ANKH: variants seen among roughly 807,000 people sequenced by gnomAD.
ANKH encodes the protein mineralization regulator ANKH.
A neutral mutation model predicts 49.0 loss-of-function variants in ANKH; 15 were observed. That is an observed-to-expected ratio of 0.31 (90% confidence interval 0.20 to 0.47). The LOEUF is 0.47. Ranked by LOEUF, ANKH falls within the 20% of genes least tolerant of loss-of-function variation. The pLI is 1.00. For missense variants in ANKH, 429 were observed against 652.0 expected (o/e 0.66, Z 3.72); for synonymous variants, 273 against 260.0 (o/e 1.05, Z -0.48).
At chr5:14,798,763 A>G (rs1008536060) in intron 1 of ANKH, among the ~76,000 whole-genome samples, 6 of 152,158 alleles carry the variant, frequency 3.9e-5, no homozygotes, top group Non-Finnish European at 7.4e-5. Context: ...GTGTGTCCTG[A>G]CTGCTCTATC....
intron 1 of ANKH, among the ~76,000 whole-genome samples, chr5:14,812,156 A>G (rs1407353266): frequency 2.6e-5 from 4 of 151,262 alleles, no homozygotes; most frequent in Non-Finnish European, 5.9e-5. Context: ...AAGGATCCTA[A>G]TAAGTTTGAA....
intron 1 of ANKH, among the ~76,000 whole-genome samples, chr5:14,790,544 T>G (rs1740128766): frequency 1.3e-5 from 2 of 152,260 alleles, no homozygotes; most frequent in Non-Finnish European, 1.5e-5. Flanking sequence ...ACTTATTCAC[T>G]GGTTCTTTTC....
chr5:14,803,040 G>A (rs1052643098), intron 1 of ANKH, among the ~76,000 whole-genome samples: 20 of 152,268 alleles, frequency 1.3e-4, no homozygotes, highest in African/African-American at 4.6e-4. Flanking sequence ...CTTCCATACC[G>A]TGAATTGCTA....
At chr5:14,757,685 GATCCTGAGTAT>G (rs1004424324) in intron 3 of ANKH, among the ~76,000 whole-genome samples, 2 of 152,002 alleles carry the variant, frequency 1.3e-5, no homozygotes, top group African/African-American at 4.8e-5. Flanking sequence ...CTGATCCTTT[GATCCTGAGTAT>G]ATCAGAAAAG....
chr5:14,730,997 C>T (rs1259751871), intron 8 of ANKH, among the ~76,000 whole-genome samples: 4 of 152,178 alleles, frequency 2.6e-5, no homozygotes, highest in African/African-American at 4.8e-5. Context: ...CCAAGAAGCC[C>T]GACGGGGCCC....
At chr5:14,767,982 A>G (rs958072066) in intron 2 of ANKH, among the ~76,000 whole-genome samples, 1 of 152,230 alleles carries the variant, frequency 6.6e-6, no homozygotes, top group Admixed American at 6.5e-5. Context: ...ATCAATATCA[A>G]CGCTTTGGCT....
intron 1 of ANKH, among the ~76,000 whole-genome samples, chr5:14,816,209 A>G (rs1426805148): frequency 6.6e-6 from 1 of 152,234 alleles, no homozygotes; most frequent in Admixed American, 6.5e-5. Context: ...AGGGCAGAGG[A>G]CAGAAGTCAT....
intron 6 of ANKH, 69 bp from the exon 7 acceptor site, chr5:14,746,031 G>T: frequency 7.8e-7 from 1 of 1,286,964 alleles, no homozygotes; most frequent in Non-Finnish European, 1.1e-6. Flanking sequence ...TACAGTAGGT[G>T]ACGAAGCACG....
At chr5:14,778,667 C>A (rs1007362080) in intron 1 of ANKH, among the ~76,000 whole-genome samples, 1 of 152,282 alleles carries the variant, frequency 6.6e-6, no homozygotes, top group Middle Eastern at 3.4e-3. Flanking sequence ...TCCCTCTCAT[C>A]GCTCCTCCTG....
intron 4 of ANKH, among the ~76,000 whole-genome samples, chr5:14,751,550 T>C (rs1738719490): frequency 6.6e-6 from 1 of 152,228 alleles, no homozygotes; most frequent in African/African-American, 2.4e-5. Context: ...TGCAATATGT[T>C]TTCAGGAATC....
intron 2 of ANKH, among the ~76,000 whole-genome samples, chr5:14,766,675 G>A (rs1276096025): frequency 6.6e-6 from 1 of 152,160 alleles, no homozygotes; most frequent in East Asian, 1.9e-4. Context: ...AGAATAGAAA[G>A]AAATTAGTTT....
chr5:14,777,141 C>G (rs1739651568), intron 1 of ANKH, among the ~76,000 whole-genome samples: 1 of 66,496 alleles, frequency 1.5e-5, no homozygotes, highest in Admixed American at 1.7e-4. Context: ...AAAAGTTAGC[C>G]GGGCGTGGTG....
At chr5:14,840,426 T>C (rs1741784464) in intron 1 of ANKH, among the ~76,000 whole-genome samples, 1 of 152,208 alleles carries the variant, frequency 6.6e-6, no homozygotes, top group Admixed American at 6.5e-5. Context: ...AAGGTGACTG[T>C]TGAACATGGA....
chr5:14,824,095 T>C (rs1345214010), intron 1 of ANKH, among the ~76,000 whole-genome samples: 1 of 152,088 alleles, frequency 6.6e-6, no homozygotes, highest in Non-Finnish European at 1.5e-5. Context: ...CCCATCTCCA[T>C]GACATTTTAT....
intron 1 of ANKH, among the ~76,000 whole-genome samples, chr5:14,813,431 C>G (rs1231106433): frequency 6.6e-6 from 1 of 151,838 alleles, no homozygotes; most frequent in Non-Finnish European, 1.5e-5. Context: ...ATGTTAAGTT[C>G]CAATGGCTCT....
In ANKH at chr5:14,709,771, A is replaced by G. The variant is rs754691127; in HGVS notation, c.*1426T>C. On this transcript the variant is annotated 3_prime_UTR_variant, in exon 12 of 12. Coordinates refer to ENST00000284268, the MANE Select transcript of ANKH (RefSeq NM_054027.6). ...ATAAGGTACAATGTTCATTGATACA[A>G]TACGTTTCAACTGCAGGTATGTTGA... 5 of 152,664 alleles carry G rather than the reference A, an allele frequency of 3.3e-5. No individual in the cohort carries two copies. The highest frequency in any genetic ancestry group is 4.8e-5 in the African/African-American group (2 of 41,460). The allele number at this position is 152,664 out of a possible 1,614,324, so 9.5% of individuals were successfully genotyped here.
chr5:14,711,995 GCCACCTTTTCGATGT>G (rs1737231288), intron 11 of ANKH, among the ~76,000 whole-genome samples: 1 of 152,166 alleles, frequency 6.6e-6, no homozygotes, highest in Non-Finnish European at 1.5e-5. Context: ...CTTCATTGTG[GCCACCTTTTCGATGT>G]CCTGTCTCCC....
chr5:14,847,373 C>CAT (rs1169877348), intron 1 of ANKH, among the ~76,000 whole-genome samples: 1 of 152,174 alleles, frequency 6.6e-6, no homozygotes, highest in African/African-American at 2.4e-5. Flanking sequence ...TGTGCTAGTG[C>CAT]ATCCTGACTA....
chr5:14,853,479 A>C (rs567097410), intron 1 of ANKH, among the ~76,000 whole-genome samples: 1 of 152,206 alleles, frequency 6.6e-6, no homozygotes, highest in South Asian at 2.1e-4. Context: ...CGGGTGGCTG[A>C]GGTGAGAGGA....
Sources: allele counts gnomAD v4.1 joint callset (sites outside exome capture counted in the v4.1 genomes callset), GRCh38; gene constraint gnomAD v4.1.1; transcripts MANE v1.5; gene names NCBI Gene and HGNC (gene_info 2026-07-23, HGNC 2026-07-21).